The following SAP30BP variants were observed in gnomAD, a reference collection of about 807,000 sequenced individuals.
SAP30BP encodes the protein SAP30 binding protein, also known as SAP30-binding protein.
Under a neutral mutation model 46.3 loss-of-function variants are expected in SAP30BP, and 31 were observed. The ratio of observed to expected loss-of-function variants is 0.67; its 90% CI spans 0.50 to 0.90. SAP30BP has a LOEUF of 0.90. Among genes scored for constraint, SAP30BP ranks in the 40% least tolerant of loss-of-function variants. The pLI, the probability that SAP30BP is intolerant of heterozygous loss-of-function variation, is 0.00. For synonymous variants in SAP30BP, 169 were observed against 144.2 expected, an observed-to-expected ratio of 1.17 and a Z score of -1.23; for missense variants, 312 against 391.0, an observed-to-expected ratio of 0.80 and a Z score of 1.70.
intron 4 of SAP30BP, 133 bp downstream of exon 4, chr17:75,693,615 C>T: frequency 1.4e-6 from 1 of 718,388 alleles, no homozygotes. Context: ...GGCTCCCTCT[C>T]AGGGCTTTGG....
intron 6 of SAP30BP, chr17:75,703,070 T>C: frequency 1.8e-6 from 1 of 560,000 alleles, no homozygotes; most frequent in South Asian, 2.2e-5. Context: ...AATCCAGCTG[T>C]GCAGACTGAA....
intron 9 of SAP30BP, chr17:75,705,230 C>T (rs900335511): frequency 4.6e-6 from 1 of 216,756 alleles, no homozygotes; most frequent in Non-Finnish European, 9.4e-6. Context: ...TATTAGGTCC[C>T]ACGTTAGGGC....
intron 3 of SAP30BP, among the ~76,000 whole-genome samples, chr17:75,681,466 T>G (rs8066082): frequency 0.094 from 14,288 of 152,190 alleles, 2,161 homozygotes; most frequent in African/African-American, 0.31. Flanking sequence ...CAGAGCTGAC[T>G]CGGTAATTCC....
intron 2 of SAP30BP, among the ~76,000 whole-genome samples, chr17:75,668,851 A>G (rs957856609): frequency 1.3e-5 from 2 of 152,216 alleles, no homozygotes; most frequent in African/African-American, 4.8e-5. Flanking sequence ...GGGGGAAAAG[A>G]TAGTGGATTA....
chr17:75,686,837 C>G (rs2060164713), intron 3 of SAP30BP, among the ~76,000 whole-genome samples: 1 of 152,212 alleles, frequency 6.6e-6, no homozygotes, highest in African/African-American at 2.4e-5. Flanking sequence ...GGTTTGGAGG[C>G]TTTGCTGAGC....
At chr17:75,672,974 CA>C (rs1027048389) in intron 3 of SAP30BP, among the ~76,000 whole-genome samples, 7 of 147,480 alleles carry the variant, frequency 4.7e-5, no homozygotes, top group Non-Finnish European at 9.0e-5. Context: ...AAAAAAAAAA[CA>C]AAAAAAAACT....
At chr17:75,694,241 G>A (rs995095929) in intron 4 of SAP30BP, among the ~76,000 whole-genome samples, 1 of 152,080 alleles carries the variant, frequency 6.6e-6, no homozygotes, top group African/African-American at 2.4e-5. Context: ...GGGGTTCTGA[G>A]CCCAGGGACC....
intron 3 of SAP30BP, among the ~76,000 whole-genome samples, chr17:75,687,798 G>A (rs1168678379): frequency 6.6e-6 from 1 of 151,460 alleles, no homozygotes; most frequent in Non-Finnish European, 1.5e-5. Flanking sequence ...CATTTCTAGT[G>A]AATCTACACA....
intron 2 of SAP30BP, 89 bp downstream of exon 2, chr17:75,668,714 G>A (rs1356477638): frequency 2.4e-6 from 2 of 823,682 alleles, no homozygotes; most frequent in African/African-American, 3.6e-5. Context: ...CCATTTCATG[G>A]TTAGCTCCAT....
At chr17:75,676,892 G>C (rs1367330474) in intron 3 of SAP30BP, among the ~76,000 whole-genome samples, 6 of 152,136 alleles carry the variant, frequency 3.9e-5, no homozygotes, top group African/African-American at 1.4e-4. Context: ...TACTATCAGA[G>C]GTTCAAGGCA....
At chr17:75,686,540 GA>G (rs1228250832) in intron 3 of SAP30BP, among the ~76,000 whole-genome samples, 3 of 150,504 alleles carry the variant, frequency 2.0e-5, no homozygotes, top group South Asian at 2.1e-4. Flanking sequence ...AAAAAAGAAA[GA>G]AAAAAAGAAA....
At chr17:75,694,276 C>T (rs2030267641) in intron 4 of SAP30BP, among the ~76,000 whole-genome samples, 1 of 152,196 alleles carries the variant, frequency 6.6e-6, no homozygotes, top group Non-Finnish European at 1.5e-5. Context: ...CCCCAGTAGT[C>T]AGTCCTTCCC....
intron 5 of SAP30BP, among the ~76,000 whole-genome samples, chr17:75,700,565 C>T (rs2060393032): frequency 6.6e-6 from 1 of 152,204 alleles, no homozygotes; most frequent in Non-Finnish European, 1.5e-5. Flanking sequence ...TCTGGCTACA[C>T]AGCAAGCCCG....
intron 3 of SAP30BP, among the ~76,000 whole-genome samples, chr17:75,673,246 T>C (rs1279281110): frequency 6.6e-6 from 1 of 152,142 alleles, no homozygotes; most frequent in African/African-American, 2.4e-5. Context: ...CCCTGAAAAC[T>C]GTAAATGCAA....
At chr17:75,691,299 T>G in intron 3 of SAP30BP, 1 of 391,120 alleles carries the variant, frequency 2.6e-6, no homozygotes, top group Middle Eastern at 3.7e-4. Context: ...AAGGAATAAT[T>G]TAGGGGGAAC....
intron 3 of SAP30BP, among the ~76,000 whole-genome samples, chr17:75,687,507 T>G (rs941546035): frequency 1.3e-5 from 2 of 151,958 alleles, no homozygotes; most frequent in African/African-American, 4.8e-5. Context: ...TCCCAGCTAC[T>G]TGGGAGGCTG....
At chr17:75,702,942 T>A (rs1382142535) in intron 6 of SAP30BP, 1 of 312,762 alleles carries the variant, frequency 3.2e-6, no homozygotes, top group Non-Finnish European at 6.0e-6. Flanking sequence ...GATTTTTGCA[T>A]ATAGGTGAGA....
rs555116218 is a variant in SAP30BP at position 75,703,317 on chromosome 17, C to T, written c.495C>T (p.Tyr165=). ...GCCGGCACTGTTCTTTCAGCATCTACGAGAAGCTGATCCAGTTCTGTGCCA... is the reference window on the plus strand; with the variant it reads ...GCCGGCACTGTTCTTTCAGCATCTATGAGAAGCTGATCCAGTTCTGTGCCA... ...RKKEFRNPSI[Y]EKLIQFCAID... Residue 165 remains tyrosine (Y), a synonymous_variant, in exon 7 of 11, where the codon TAC becomes TAT. Transcript: ENST00000584667. 1.8e-5 allele frequency: 29 copies of T among 1,614,056 alleles called. No homozygotes were observed. The highest frequency in any genetic ancestry group is 5.5e-5 in the South Asian group (5 of 91,082).
At chr17:75,669,252 T>C (rs1449345762) in intron 2 of SAP30BP, among the ~76,000 whole-genome samples, 1 of 147,302 alleles carries the variant, frequency 6.8e-6, no homozygotes, top group Non-Finnish European at 1.5e-5. Flanking sequence ...TAACCTATTA[T>C]TATTTTTTTT....
Sources: allele counts gnomAD v4.1 joint callset (sites outside exome capture counted in the v4.1 genomes callset), GRCh38; gene constraint gnomAD v4.1.1; transcripts MANE v1.5; gene names NCBI Gene and HGNC (gene_info 2026-07-23, HGNC 2026-07-21).